The following KCNAB1 variants were observed in gnomAD, a reference collection of about 807,000 sequenced individuals.
KCNAB1 encodes the protein voltage-gated potassium channel subunit beta-1.
In KCNAB1, 35 loss-of-function variants were observed where a neutral mutation model predicts 64.6. That is an observed-to-expected ratio of 0.54 (90% CI 0.41 to 0.72). The LOEUF (loss-of-function observed/expected upper bound fraction) is 0.72. KCNAB1 is among the 30% of genes least tolerant of loss of function. KCNAB1 has a pLI of 0.00. For missense variants in KCNAB1, 401 were observed against 512.9 expected, an observed-to-expected ratio of 0.78 and a Z score of 2.11; for synonymous variants, 177 against 183.8, an observed-to-expected ratio of 0.96 and a Z score of 0.30.
chr3:156,183,884 G>A (rs1049756056), intron 1 of KCNAB1, among the ~76,000 whole-genome samples: 12 of 152,190 alleles, frequency 7.9e-5, no homozygotes, highest in African/African-American at 2.4e-4. Flanking sequence ...CTCAGGTTGC[G>A]TGGGCTTGGC....
chr3:156,251,055 G>C (rs1717802603), intron 1 of KCNAB1, among the ~76,000 whole-genome samples: 1 of 152,150 alleles, frequency 6.6e-6, no homozygotes, highest in Non-Finnish European at 1.5e-5. Flanking sequence ...ATGAAAAATA[G>C]AAACTCAAAT....
Position 156,296,464 on chromosome 3 carries a change from C to A in KCNAB1, c.276-125152C>A, listed in dbSNP as rs796774769. ...AAATTCCACTAAAAACTTCAACTCCCCCCCCCCCCACCTTTTTTTTTTTTT... is the reference window on the plus strand; with the variant it reads ...AAATTCCACTAAAAACTTCAACTCCACCCCCCCCCACCTTTTTTTTTTTTT... On this transcript the variant is annotated intron_variant, in intron 1 of 13. Coordinates refer to ENST00000490337, the MANE Select transcript of KCNAB1 (RefSeq NM_172160.3). Among the ~76,000 whole-genome samples, 21 of 65,932 alleles carry A rather than the reference C, an allele frequency of 3.2e-4. No homozygotes were observed. The African/African-American group carries it at 3.7e-3, about 11-fold the overall frequency. 43.3% of individuals were successfully genotyped at this position (65,932 alleles called of 152,430 possible).
rs1003292874 is a variant in KCNAB1 at position 156,283,609 on chromosome 3, G to T, written c.276-138007G>T. ...CCATCACTTTCAGGTACACCAATCA[G>T]ACGTAGATTTGGTCTTTTCACATAG... On this transcript the variant is annotated intron_variant, in intron 1 of 13. Coordinates refer to ENST00000490337, the MANE Select transcript of KCNAB1 (RefSeq NM_172160.3). 5.3e-5 allele frequency among the ~76,000 whole-genome samples: 8 copies of T among 151,794 alleles called. No homozygotes were observed. The South Asian group carries it at 6.3e-4, about 12-fold the overall frequency.
intron 1 of KCNAB1, among the ~76,000 whole-genome samples, chr3:156,261,993 ATCTT>A (rs1718460558): frequency 1.3e-5 from 2 of 152,022 alleles, no homozygotes; most frequent in Middle Eastern, 6.8e-3. Flanking sequence ...TATGACAAAA[ATCTT>A]TCTTAATTTT....
chr3:156,255,513 C>A (rs534161504), intron 1 of KCNAB1, among the ~76,000 whole-genome samples: 1 of 152,094 alleles, frequency 6.6e-6, no homozygotes, highest in Non-Finnish European at 1.5e-5. Context: ...TGCTTTGACC[C>A]GAGCCTCTCT....
intron 2 of KCNAB1, among the ~76,000 whole-genome samples, chr3:156,433,116 G>A (rs1483633623): frequency 1.3e-5 from 2 of 152,170 alleles, no homozygotes; most frequent in Admixed American, 6.5e-5. Context: ...TGCAGTAGAC[G>A]CTGTGCTGGG....
chr3:156,536,981 C>A lies in KCNAB1; in HGVS notation c.*234C>A. 1 of 589,426 alleles carries A rather than the reference C, an allele frequency of 1.7e-6. No homozygotes were observed. Among genetic ancestry groups the A allele is most frequent in the East Asian group, 2.8e-5 (1 of 35,982 alleles). The allele number at this position is 589,426 out of a possible 1,614,324, so 36.5% of individuals were successfully genotyped here. A position where few individuals can be genotyped will look rare whatever the true frequency, so the allele number is the denominator to read the frequency against. On this transcript the variant is annotated 3_prime_UTR_variant, in exon 14 of 14. Coordinates refer to ENST00000490337, the MANE Select transcript of KCNAB1 (RefSeq NM_172160.3). Reference sequence around the variant, plus strand: ...CTTGGACTGGAGTCACCTATTCTTGCATTGCTGTATACACCTCATGCTTAT... The same window carrying A: ...CTTGGACTGGAGTCACCTATTCTTGAATTGCTGTATACACCTCATGCTTAT...
intron 1 of KCNAB1, among the ~76,000 whole-genome samples, chr3:156,330,510 A>G (rs892458847): frequency 6.6e-6 from 1 of 152,178 alleles, no homozygotes; most frequent in Non-Finnish European, 1.5e-5. Context: ...CCCCAGTGCT[A>G]GGTCTTAGTT....
At chr3:156,170,385 A>G (rs1711889320) in intron 1 of KCNAB1, among the ~76,000 whole-genome samples, 2 of 152,214 alleles carry the variant, frequency 1.3e-5, no homozygotes, top group African/African-American at 4.8e-5. Context: ...ATGCTTGTCC[A>G]AGAATACTTA....
intron 7 of KCNAB1, among the ~76,000 whole-genome samples, chr3:156,473,803 G>A (rs2108317181): frequency 6.6e-6 from 1 of 152,258 alleles, no homozygotes; most frequent in East Asian, 1.9e-4. Flanking sequence ...AAAGCCTCTG[G>A]TCTCCCTGAG....
At position 156,298,665 on chromosome 3, in the gene KCNAB1, G is replaced by A. The variant is rs546743233; in HGVS notation, c.276-122951G>A. On this transcript the variant is annotated intron_variant, in intron 1 of 13. Transcript: ENST00000490337. Reference sequence around the variant, plus strand: ...ATTCAGTGAATTTGATCAAAATATAGGACTCTTAATTTATTTGAGTACCCT... The same window carrying A: ...ATTCAGTGAATTTGATCAAAATATAAGACTCTTAATTTATTTGAGTACCCT... Among the ~76,000 whole-genome samples, 18 of 152,142 alleles carry A rather than the reference G, an allele frequency of 1.2e-4. No individual in the cohort carries two copies. In the East Asian group the frequency reaches 3.1e-3, roughly 26 times the overall value.
chr3:156,124,630 A>C (rs181899119), intron 1 of KCNAB1, among the ~76,000 whole-genome samples: 1 of 152,278 alleles, frequency 6.6e-6, no homozygotes, highest in East Asian at 1.9e-4. Flanking sequence ...TTCTTAATGA[A>C]TATTATCCAG....
chr3:156,296,655 A>G (rs1720806430), intron 1 of KCNAB1, among the ~76,000 whole-genome samples: 1 of 151,916 alleles, frequency 6.6e-6, no homozygotes, highest in Non-Finnish European at 1.5e-5. Context: ...TTATATTTTT[A>G]GTAGAGATGG....
chr3:156,297,138 T>C (rs1201229241), intron 1 of KCNAB1, among the ~76,000 whole-genome samples: 1 of 152,196 alleles, frequency 6.6e-6, no homozygotes, highest in African/African-American at 2.4e-5. Flanking sequence ...CCCATTTCTG[T>C]CCACATCCAC....
intron 1 of KCNAB1, among the ~76,000 whole-genome samples, chr3:156,332,219 T>C (rs1265275630): frequency 1.3e-5 from 2 of 152,218 alleles, no homozygotes; most frequent in Non-Finnish European, 2.9e-5. Flanking sequence ...TTGAATGGTA[T>C]GTTTTATAAT....
intron 1 of KCNAB1, among the ~76,000 whole-genome samples, chr3:156,381,767 C>T (rs1712173913): frequency 6.6e-6 from 1 of 152,192 alleles, no homozygotes; most frequent in South Asian, 2.1e-4. Context: ...CTTCTCTGCT[C>T]ACCTCCATAT....
At chr3:156,336,341 A>T (rs1173433718) in intron 1 of KCNAB1, among the ~76,000 whole-genome samples, 1 of 151,160 alleles carries the variant, frequency 6.6e-6, no homozygotes, top group Non-Finnish European at 1.5e-5. Context: ...CAGCCTGGAC[A>T]ACAGAGTGAG....
intron 1 of KCNAB1, among the ~76,000 whole-genome samples, chr3:156,351,139 T>A (rs536013056): frequency 6.6e-6 from 1 of 151,896 alleles, no homozygotes; most frequent in African/African-American, 2.4e-5. Flanking sequence ...GACTGCTGAC[T>A]TTTTCAAGTA....
At chr3:156,176,933 TG>T (rs1712419443) in intron 1 of KCNAB1, 2 of 900,698 alleles carry the variant, frequency 2.2e-6, no homozygotes, top group Non-Finnish European at 3.5e-6. Context: ...GATGATGCTT[TG>T]GGTTTTTGAG....
Sources: allele counts gnomAD v4.1 joint callset (sites outside exome capture counted in the v4.1 genomes callset), GRCh38; gene constraint gnomAD v4.1.1; transcripts MANE v1.5; gene names NCBI Gene and HGNC (gene_info 2026-07-23, HGNC 2026-07-21).